Variants in MAGI1 observed in about 807,000 individuals in gnomAD.
MAGI1 encodes the protein membrane associated guanylate kinase, WW and PDZ domain containing 1.
MAGI1 carries 58 observed loss-of-function variants against 139.9 expected under a neutral mutation model. The observed-to-expected ratio is 0.41, with a 90% CI of 0.34 to 0.52. The LOEUF (loss-of-function observed/expected upper bound fraction) is 0.52, where lower values mean the gene tolerates loss of function less well. MAGI1 is among the 20% of genes least tolerant of loss of function. The pLI is 0.12. For synonymous variants in MAGI1, 812 were observed against 737.9 expected, an observed-to-expected ratio of 1.10 and a Z score of -1.63; for missense variants, 1,874 against 1,901.6, an observed-to-expected ratio of 0.99 and a Z score of 0.27.
intron 1 of MAGI1, among the ~76,000 whole-genome samples, chr3:65,753,725 AC>A (rs1447266871): frequency 1.3e-5 from 2 of 150,916 alleles, no homozygotes; most frequent in Admixed American, 6.6e-5. Context: ...AGTAATCTGT[AC>A]CCATGTTATG....
At chr3:65,558,858 G>T (rs1277530130) in intron 2 of MAGI1, among the ~76,000 whole-genome samples, 1 of 152,116 alleles carries the variant, frequency 6.6e-6, no homozygotes, top group Non-Finnish European at 1.5e-5. Flanking sequence ...ATTATAATAA[G>T]CTACAAATCC....
chr3:65,448,047 G>A lies in MAGI1; in HGVS notation c.1053C>T (p.His351=), dbSNP rs770373306. The A allele has an allele frequency of 4.3e-6, 7 of 1,614,102 alleles. 1 individual carries two copies. The South Asian group carries it at 5.5e-5, about 13-fold the overall frequency. Residue 351 remains histidine, a synonymous_variant, in exon 7 of 23, where the codon CAC becomes CAT. Transcript: ENST00000402939. ...LEECEDDEGV[H]TEELDSELEL... ...CTAGTTCACTGTCCAGCTCCTCGGT[G>A]TGTACCCCTTCTTCTCCAAAGGAAT...
intron 12 of MAGI1, chr3:65,401,886 A>C: frequency 2.0e-6 from 2 of 985,326 alleles, no homozygotes. Flanking sequence ...AGGACAGAGG[A>C]AAGGGTATAT....
Position 65,478,586 on chromosome 3 carries a change from C to A in MAGI1, c.757+6G>T. On this transcript the variant is annotated splice_donor_region_variant and intron_variant, in intron 4 of 22. Transcript: ENST00000402939. ...TCCATTGAGGGCAACATGATCTGAC[C>A]TTTACCTGTAAAGCTGCTGTTCATT... 1 of 1,613,552 alleles carries A rather than the reference C, an allele frequency of 6.2e-7. No homozygotes were observed. The highest frequency in any genetic ancestry group is 8.5e-7 in the Non-Finnish European group (1 of 1,179,664).
At chr3:65,857,706 T>C (rs1468964417) in intron 1 of MAGI1, among the ~76,000 whole-genome samples, 1 of 152,192 alleles carries the variant, frequency 6.6e-6, no homozygotes, top group Admixed American at 6.5e-5. Flanking sequence ...TTTGGTGAAA[T>C]TTTTAAAACT....
At chr3:65,999,995 C>T (rs1472628225) in intron 1 of MAGI1, among the ~76,000 whole-genome samples, 7 of 63,178 alleles carry the variant, frequency 1.1e-4, no homozygotes, top group East Asian at 1.3e-3. Flanking sequence ...TTTTTTGATA[C>T]GGAGTCTCGC....
intron 9 of MAGI1, among the ~76,000 whole-genome samples, 157 bp from the exon 10 acceptor site, chr3:65,437,404 C>CTTTTTTTTTTTTTT (rs5849667): frequency 2.9e-5 from 4 of 138,684 alleles, no homozygotes; most frequent in Non-Finnish European, 3.2e-5. Context: ...CTATGAAGCT[C>CTTTTTTTTTTTTTT]TTTTTTTTTT....
At chr3:65,414,497 C>T (rs534611040) in intron 12 of MAGI1, among the ~76,000 whole-genome samples, 6 of 152,268 alleles carry the variant, frequency 3.9e-5, no homozygotes, top group Middle Eastern at 3.4e-3. Flanking sequence ...TTGCTCTTCC[C>T]GAGGTTTGGA....
chr3:65,596,862 A>G (rs2082230702), intron 2 of MAGI1, among the ~76,000 whole-genome samples: 1 of 152,222 alleles, frequency 6.6e-6, no homozygotes, highest in Non-Finnish European at 1.5e-5. Context: ...TCTTACCTAG[A>G]TAACACAGTG....
At chr3:65,888,649 C>G (rs1288267320) in intron 1 of MAGI1, among the ~76,000 whole-genome samples, 1 of 152,194 alleles carries the variant, frequency 6.6e-6, no homozygotes, top group East Asian at 1.9e-4. Context: ...AGTACATACA[C>G]ATTTAAGAAT....
intron 2 of MAGI1, among the ~76,000 whole-genome samples, chr3:65,618,247 A>G (rs115165490): frequency 0.031 from 4,693 of 152,214 alleles, 239 homozygotes; most frequent in African/African-American, 0.11. Context: ...GAGGAGGAGA[A>G]AGAGAAATAT....
intron 1 of MAGI1, among the ~76,000 whole-genome samples, chr3:65,984,963 G>A (rs1369023608): frequency 6.6e-6 from 1 of 152,114 alleles, no homozygotes; most frequent in Non-Finnish European, 1.5e-5. Flanking sequence ...CTTGTCTGAG[G>A]TTCATTTAAA....
chr3:65,635,225 C>T (rs555005876), intron 1 of MAGI1, among the ~76,000 whole-genome samples: 54 of 152,026 alleles, frequency 3.6e-4, no homozygotes, highest in Non-Finnish European at 7.1e-4. Context: ...CCACCACATC[C>T]AGCTAATTTT....
intron 1 of MAGI1, among the ~76,000 whole-genome samples, chr3:65,709,424 A>G (rs925687374): frequency 6.6e-6 from 1 of 152,178 alleles, no homozygotes; most frequent in Non-Finnish European, 1.5e-5. Context: ...AAGTGAGTTG[A>G]CTCACCTACC....
chr3:65,795,306 C>CT (rs923707326), intron 1 of MAGI1, among the ~76,000 whole-genome samples: 6 of 151,974 alleles, frequency 3.9e-5, no homozygotes, highest in Admixed American at 1.3e-4. Context: ...AGCTGAGTGG[C>CT]TAAAAAAAAA....
At chr3:65,855,363 G>A (rs768810991) in intron 1 of MAGI1, among the ~76,000 whole-genome samples, 26 of 151,664 alleles carry the variant, frequency 1.7e-4, no homozygotes, top group Non-Finnish European at 2.8e-4. Context: ...AGAATTGATT[G>A]AGGCCAGGAG....
intron 1 of MAGI1, among the ~76,000 whole-genome samples, chr3:65,941,443 C>G (rs2063311556): frequency 6.6e-6 from 1 of 152,168 alleles, no homozygotes; most frequent in African/African-American, 2.4e-5. Flanking sequence ...CTTCCTCAGC[C>G]TTGGTACTAT....
At chr3:65,608,794 A>C (rs915152908) in intron 2 of MAGI1, among the ~76,000 whole-genome samples, 3 of 152,210 alleles carry the variant, frequency 2.0e-5, no homozygotes, top group African/African-American at 7.2e-5. Flanking sequence ...AATTGTGCAC[A>C]TATGTCCATT....
chr3:65,453,906 G>A (rs1414594755), intron 5 of MAGI1, among the ~76,000 whole-genome samples: 6 of 152,068 alleles, frequency 3.9e-5, no homozygotes, highest in Admixed American at 1.3e-4. Context: ...CAAATTACTC[G>A]TCATAAATAG....
Sources: allele counts gnomAD v4.1 joint callset (sites outside exome capture counted in the v4.1 genomes callset), GRCh38; gene constraint gnomAD v4.1.1; transcripts MANE v1.5; gene names NCBI Gene and HGNC (gene_info 2026-07-23, HGNC 2026-07-21).